GANC: variants seen among roughly 807,000 people sequenced by gnomAD.
GANC encodes neutral alpha-glucosidase C.
In GANC, 117 loss-of-function variants were observed where a neutral mutation model predicts 124.2. The ratio of observed to expected loss-of-function variants is 0.94; its 90% CI spans 0.81 to 1.10. GANC has a LOEUF of 1.10. Among genes scored for constraint, GANC ranks in the 50% least tolerant of loss-of-function variants. The pLI is 0.00. For missense variants in GANC, 1,140 were observed against 1,095.0 expected, an observed-to-expected ratio of 1.04 and a Z score of -0.58; for synonymous variants, 377 against 376.8, an observed-to-expected ratio of 1.00 and a Z score of -0.01.
intron 10 of GANC, among the ~76,000 whole-genome samples, chr15:42,315,769 A>G (rs1186920823): frequency 6.6e-6 from 1 of 152,124 alleles, no homozygotes; most frequent in Non-Finnish European, 1.5e-5. Flanking sequence ...CCATAATGAG[A>G]GTGGGCCTCA....
chr15:42,333,010 C>T (rs1485795415), intron 15 of GANC, among the ~76,000 whole-genome samples: 1 of 133,060 alleles, frequency 7.5e-6, no homozygotes, highest in African/African-American at 2.6e-5. Flanking sequence ...AAGAGCAAAA[C>T]TCTGTCTCAA....
chr15:42,330,467 C>A, intron 14 of GANC, 109 bp from the exon 15 acceptor site: 2 of 679,604 alleles, frequency 2.9e-6, no homozygotes, highest in East Asian at 3.0e-5. Flanking sequence ...TAATATTTTC[C>A]ATTTCATGCT....
At chr15:42,314,930 C>G (rs1237719640) in intron 10 of GANC, 3 of 152,168 alleles carry the variant, frequency 2.0e-5, no homozygotes, top group Non-Finnish European at 4.4e-5. Flanking sequence ...AAATAGAGAA[C>G]AAGTTACAGC....
chr15:42,284,105 A>G (rs188493348), intron 3 of GANC: 2 of 645,570 alleles, frequency 3.1e-6, no homozygotes, highest in East Asian at 5.4e-5. Context: ...TCTTTACATA[A>G]CAGTGAAGAG....
At chr15:42,338,579 G>C in intron 16 of GANC, 89 bp downstream of exon 16, 1 of 888,528 alleles carries the variant, frequency 1.1e-6, no homozygotes, top group Non-Finnish European at 1.8e-6. Flanking sequence ...CTTCTCATTA[G>C]CTGTTGTGGG....
Position 42,298,941 on chromosome 15 carries a change from C to T in GANC, c.558+1285C>T, listed in dbSNP as rs181120256. Among the ~76,000 whole-genome samples, 5 of 152,252 alleles carry T rather than the reference C, an allele frequency of 3.3e-5. No individual in the cohort carries two copies. In the East Asian group the frequency reaches 9.7e-4, roughly 29 times the overall value. ...CTCAGACTTTGCTGAAGTTGCTTAT[C>T]AGTTTAAGGATTTTTTTGGGGCTGA... On this transcript the variant is annotated intron_variant, in intron 6 of 23. Coordinates refer to ENST00000318010, the MANE Select transcript of GANC (RefSeq NM_198141.3).
chr15:42,326,511 A>G lies in GANC; in HGVS notation c.1420+87A>G, dbSNP rs886477341. The G allele has an allele frequency of 2.5e-6, 4 of 1,587,166 alleles. No homozygotes were observed. In the African/African-American group the frequency reaches 5.4e-5, roughly 21 times the overall value. ...CGTGGTCATCATTCTGCTCCCTTGT[A>G]GATGTCTCTTGCTCCTCTAGCTACA... On this transcript the variant is annotated intron_variant, in intron 12 of 23. Coordinates refer to ENST00000318010, the MANE Select transcript of GANC (RefSeq NM_198141.3).
In GANC at chr15:42,339,713, G is replaced by C; in HGVS notation, c.1888G>C (p.Val630Leu). The C allele has an allele frequency of 6.2e-7, 1 of 1,614,152 alleles. No individual in the cohort carries two copies. ...TGGGAATCCAGAGACAGAGCTGCTA[G>C]TGCGTTGGTACCAGGCTGGAGCCTA... ...FIGNPETELL[V>L]RWYQAGAYQP... The change falls in exon 17 of 24, where the codon GTG (valine) becomes CTG (leucine). Residue 630 changes from valine (V) to leucine (L), a missense_variant. Physicochemically the swap from Val to Leu is conservative, Grantham distance 32. Coordinates refer to ENST00000318010, the MANE Select transcript of GANC (RefSeq NM_198141.3).
intron 1 of GANC, among the ~76,000 whole-genome samples, chr15:42,275,490 G>C (rs1370872783): frequency 6.6e-6 from 1 of 152,102 alleles, no homozygotes; most frequent in Non-Finnish European, 1.5e-5. Flanking sequence ...ATAATATTTC[G>C]ACGTTTGTGT....
Position 42,274,290 on chromosome 15 carries a change from G to T in GANC, c.-192G>T. 3.2e-6 allele frequency: 2 copies of T among 631,562 alleles called. No individual in the cohort carries two copies. The highest frequency in any genetic ancestry group is 2.8e-6 in the Non-Finnish European group (1 of 356,310). The allele number at this position is 631,562 out of a possible 1,614,324, so 39.1% of individuals were successfully genotyped here. On this transcript the variant is annotated 5_prime_UTR_variant, in exon 1 of 24. Transcript: ENST00000318010. ...TAAATCATTGTAGAAACGCTAGTTT[G>T]GGCCTGAAAAATTCCAGGAGCAAGA...
rs937780111 is a variant in GANC at position 42,274,174 on chromosome 15, T to C, written c.-308T>C. On this transcript the variant is annotated 5_prime_UTR_variant, in exon 1 of 24. Coordinates refer to ENST00000318010, the MANE Select transcript of GANC (RefSeq NM_198141.3). ...CTTGATTTTTACCCTCTAGGACTCA[T>C]TGCGTACACGCCCTCACCGCCGCCC... 3 of 387,940 alleles carry C rather than the reference T, an allele frequency of 7.7e-6. No homozygotes were observed. The highest frequency in any genetic ancestry group is 4.2e-5 in the Admixed American group (1 of 23,716). 24.0% of individuals were successfully genotyped at this position (387,940 alleles called of 1,614,324 possible). A position where few individuals can be genotyped will look rare whatever the true frequency, so the allele number is the denominator to read the frequency against.
Position 42,287,777 on chromosome 15 carries a change from T to C in GANC, c.288T>C (p.Phe96=), listed in dbSNP as rs1379665409. Residue 96 remains phenylalanine (F), a synonymous_variant, in exon 4 of 24, where the codon TTT becomes TTC. Transcript: ENST00000318010. Reference sequence around the variant, plus strand: ...AAGAGACTCCTCTAAAACCCAGATTTGAAGTTCCGGATGTCCTCACAAGCA... The same window carrying C: ...AAGAGACTCCTCTAAAACCCAGATTCGAAGTTCCGGATGTCCTCACAAGCA... The part of the protein sequence containing the change: ...INEETPLKPR[F]EVPDVLTSKP... 1 of 1,613,370 alleles carries C rather than the reference T, an allele frequency of 6.2e-7. No individual in the cohort carries two copies. The highest frequency in any genetic ancestry group is 2.2e-5 in the East Asian group (1 of 44,858).
At chr15:42,340,347 T>C (rs1054405205) in intron 17 of GANC, among the ~76,000 whole-genome samples, 3 of 152,128 alleles carry the variant, frequency 2.0e-5, no homozygotes, top group Non-Finnish European at 4.4e-5. Flanking sequence ...AGGCCAGGCT[T>C]GGTGGCTCAC....
intron 18 of GANC, among the ~76,000 whole-genome samples, chr15:42,341,591 C>A (rs1228990425): frequency 1.3e-5 from 2 of 150,882 alleles, no homozygotes; most frequent in East Asian, 3.9e-4. Context: ...TTAAATGGAG[C>A]CTCACTTTGT....
In GANC at chr15:42,353,239, C is replaced by T; in HGVS notation, c.*1100C>T. 1 of 986,126 alleles carries T rather than the reference C, an allele frequency of 1.0e-6. No individual in the cohort carries two copies. Among genetic ancestry groups the T allele is most frequent in the Non-Finnish European group, 1.2e-6 (1 of 830,120 alleles). 61.1% of individuals were successfully genotyped at this position (986,126 alleles called of 1,614,324 possible). On this transcript the variant is annotated 3_prime_UTR_variant, in exon 24 of 24. Coordinates refer to ENST00000318010, the MANE Select transcript of GANC (RefSeq NM_198141.3). Reference sequence around the variant, plus strand: ...TAGCAGCCTCGACTCCTCAGCACTCCTCAGCACACACCTCTTCTTATCAGG... The same window carrying T: ...TAGCAGCCTCGACTCCTCAGCACTCTTCAGCACACACCTCTTCTTATCAGG...
At chr15:42,344,548 G>A (rs1284230239) in intron 19 of GANC, 1 of 152,198 alleles carries the variant, frequency 6.6e-6, no homozygotes, top group Admixed American at 6.5e-5. Context: ...TCCAGGGATT[G>A]TGACGTGAGT....
At chr15:42,284,027 C>T in intron 3 of GANC, 1 of 701,860 alleles carries the variant, frequency 1.4e-6, no homozygotes, top group Non-Finnish European at 2.6e-6. Flanking sequence ...TCCTCTGGAT[C>T]CCGGGAGGTC....
chr15:42,280,791 C>T (rs564263337), intron 3 of GANC: 13 of 608,108 alleles, frequency 2.1e-5, no homozygotes, highest in South Asian at 3.9e-5. Context: ...AGTGGTGAGC[C>T]GAAATGAAAA....
intron 16 of GANC, among the ~76,000 whole-genome samples, chr15:42,338,913 G>A (rs890368701): frequency 6.6e-6 from 1 of 152,086 alleles, no homozygotes; most frequent in African/African-American, 2.4e-5. Flanking sequence ...TATTTTAACT[G>A]TACTAAAACA....
Sources: gnomAD v4.1 joint callset for allele counts (sites outside exome capture counted in the v4.1 genomes callset) on GRCh38, gnomAD v4.1.1 for gene constraint, MANE v1.5 for transcripts, NCBI Gene and HGNC (gene_info 2026-07-23, HGNC 2026-07-21) for gene names.